The following KLHL1 variants were observed in gnomAD, a reference collection of about 807,000 sequenced individuals.
KLHL1 encodes the protein kelch-like protein 1.
In KLHL1, 47 loss-of-function variants were observed where a neutral mutation model predicts 77.7. The ratio of observed to expected loss-of-function variants is 0.60; its 90% CI spans 0.48 to 0.77. The LOEUF (loss-of-function observed/expected upper bound fraction) is 0.77, where lower values mean the gene tolerates loss of function less well. Ranked by LOEUF, KLHL1 falls within the 30% of genes least tolerant of loss-of-function variation. The pLI is 0.00. For synonymous variants in KLHL1, 360 were observed against 325.2 expected (o/e 1.11, Z -1.15); for missense variants, 925 against 910.8 (o/e 1.02, Z -0.20).
chr13:69,780,207 C>A (rs944637049), intron 7 of KLHL1, among the ~76,000 whole-genome samples: 1 of 152,158 alleles, frequency 6.6e-6, no homozygotes. Context: ...TACAAGCATG[C>A]ATTATTGAGA....
intron 5 of KLHL1, among the ~76,000 whole-genome samples, chr13:69,864,534 C>T (rs757715146): frequency 4.0e-5 from 6 of 151,888 alleles, no homozygotes; most frequent in Middle Eastern, 3.4e-3. Context: ...TTTCATGTTC[C>T]CTGTTTTTTC....
chr13:69,993,561 T>C (rs1885077647), intron 1 of KLHL1, among the ~76,000 whole-genome samples: 1 of 152,122 alleles, frequency 6.6e-6, no homozygotes, highest in African/African-American at 2.4e-5. Flanking sequence ...TTTCCCTTCA[T>C]ATATTCCTCC....
At position 69,889,191 on chromosome 13, in the gene KLHL1, T is replaced by G. The variant is rs184297399; in HGVS notation, c.1015-6696A>C. ...TTGCACTGACATATTGCTGTCAAGA[T>G]TCTAACTTTCTCAGGGTTTAAAACG... is the stretch of plus-strand genomic sequence containing the variant. On this transcript the variant is annotated intron_variant, in intron 4 of 10. Coordinates refer to ENST00000377844, the MANE Select transcript of KLHL1 (RefSeq NM_020866.3). Among the ~76,000 whole-genome samples the G allele has an allele frequency of 5.9e-5, 9 of 152,224 alleles. No homozygotes were observed. The East Asian group carries it at 1.7e-3, about 29-fold the overall frequency.
intron 1 of KLHL1, among the ~76,000 whole-genome samples, chr13:70,041,610 GCATCCACTGACA>G (rs759748634): frequency 1.3e-3 from 197 of 152,172 alleles, no homozygotes; most frequent in Non-Finnish European, 1.6e-3. Context: ...TTCCCATCTG[GCATCCACTGACA>G]CAGTGGAGGG....
chr13:69,772,158 G>A (rs1875602464), intron 7 of KLHL1, among the ~76,000 whole-genome samples: 1 of 151,858 alleles, frequency 6.6e-6, no homozygotes, highest in Non-Finnish European at 1.5e-5. Flanking sequence ...CACCATGTTG[G>A]CCAAGATGTT....
At chr13:69,973,535 G>C (rs186153983) in intron 2 of KLHL1, among the ~76,000 whole-genome samples, 174 of 151,458 alleles carry the variant, frequency 1.1e-3, no homozygotes, top group African/African-American at 4.1e-3. Flanking sequence ...CATACATTTT[G>C]CTTAAAGACA....
rs1324246935 is a variant in KLHL1, at chr13:70,084,461, C to CTTTT, written c.497+22741_497+22742insAAAA. ...GATATTTTCTAGTCTATTTCTTCTT[C>CTTTT]TTCTTTTTTTTTTTTTGAGACGGAG... On this transcript the variant is annotated intron_variant, in intron 1 of 10. Transcript: ENST00000377844. 3.0e-4 allele frequency among the ~76,000 whole-genome samples: 35 copies of CTTTT among 115,108 alleles called. 4 individuals carry two copies. The highest frequency in any genetic ancestry group is 5.5e-3 in the Middle Eastern group (1 of 182). The allele number at this position is 115,108 out of a possible 152,430, so 75.5% of individuals were successfully genotyped here. A position where few individuals can be genotyped will look rare whatever the true frequency, so the allele number is the denominator to read the frequency against.
chr13:69,883,206 T>C (rs752530965), intron 4 of KLHL1, among the ~76,000 whole-genome samples: 4 of 152,208 alleles, frequency 2.6e-5, no homozygotes, highest in Admixed American at 6.5e-5. Flanking sequence ...GGTTTTATTC[T>C]GAAGTTTTTG....
chr13:69,866,821 A>T (rs1880381176), intron 5 of KLHL1, among the ~76,000 whole-genome samples: 2 of 152,126 alleles, frequency 1.3e-5, no homozygotes, highest in African/African-American at 4.8e-5. Context: ...ACAAATTTAG[A>T]GGTAATAAGA....
intron 1 of KLHL1, among the ~76,000 whole-genome samples, chr13:70,058,965 A>T (rs1033303318): frequency 3.9e-5 from 6 of 152,186 alleles, no homozygotes; most frequent in Non-Finnish European, 8.8e-5. Context: ...TGGGGAGAAG[A>T]CAGTCTTTTC....
intron 7 of KLHL1, among the ~76,000 whole-genome samples, chr13:69,794,457 GC>G (rs1877013021): frequency 6.6e-6 from 1 of 151,550 alleles, no homozygotes; most frequent in Non-Finnish European, 1.5e-5. Context: ...AAGAAACAGA[GC>G]ATCTTAAAGG....
intron 1 of KLHL1, among the ~76,000 whole-genome samples, chr13:70,100,215 G>T (rs1887892455): frequency 6.6e-6 from 1 of 151,386 alleles, no homozygotes; most frequent in Non-Finnish European, 1.5e-5. Context: ...TTTCTTCTCA[G>T]CATGGTCTTT....
At chr13:69,874,749 A>G (rs184495203) in intron 5 of KLHL1, among the ~76,000 whole-genome samples, 1 of 152,124 alleles carries the variant, frequency 6.6e-6, no homozygotes, top group Non-Finnish European at 1.5e-5. Context: ...CTTAATTTGG[A>G]TAACCCTGAC....
chr13:69,975,911 A>G lies in KLHL1; in HGVS notation c.498-109T>C, dbSNP rs1276051594. The G allele has an allele frequency of 5.5e-6, 7 of 1,277,768 alleles. 1 individual carries two copies. The highest frequency in any genetic ancestry group is 3.0e-6 in the Non-Finnish European group (3 of 986,110). The allele number at this position is 1,277,768 out of a possible 1,614,324, so 79.2% of individuals were successfully genotyped here. ...TTTTATCATTTTCTTAAGAAAACTAATATATCTGTGTTTATTTTTATATTT... is the reference window on the plus strand; with the variant it reads ...TTTTATCATTTTCTTAAGAAAACTAGTATATCTGTGTTTATTTTTATATTT... On this transcript the variant is annotated intron_variant, in intron 1 of 10. Transcript: ENST00000377844.
chr13:69,712,002 T>C (rs1252581812), intron 9 of KLHL1, among the ~76,000 whole-genome samples: 4 of 152,178 alleles, frequency 2.6e-5, no homozygotes, highest in Non-Finnish European at 5.9e-5. Context: ...CCAGTAGTCA[T>C]TGCCTATTTG....
At chr13:70,039,637 CTTTT>C (rs773600359) in intron 1 of KLHL1, among the ~76,000 whole-genome samples, 1 of 125,510 alleles carries the variant, frequency 8.0e-6, no homozygotes. Context: ...ATTCCTTGAA[CTTTT>C]TTTTTTTTTT....
At chr13:69,780,203 C>T (rs1406937959) in intron 7 of KLHL1, among the ~76,000 whole-genome samples, 4 of 152,140 alleles carry the variant, frequency 2.6e-5, no homozygotes, top group Non-Finnish European at 4.4e-5. Context: ...TGGATACAAG[C>T]ATGCATTATT....
intron 1 of KLHL1, among the ~76,000 whole-genome samples, chr13:70,078,471 T>C (rs1350791222): frequency 6.6e-6 from 1 of 152,074 alleles, no homozygotes; most frequent in Non-Finnish European, 1.5e-5. Context: ...TAAATATTAA[T>C]AAAACACTCA....
intron 8 of KLHL1, among the ~76,000 whole-genome samples, chr13:69,732,885 C>T (rs1873610431): frequency 6.6e-6 from 1 of 152,064 alleles, no homozygotes; most frequent in Non-Finnish European, 1.5e-5. Flanking sequence ...TAAGCAGTGG[C>T]CCAAATAGCA....
Sources: allele counts gnomAD v4.1 joint callset (sites outside exome capture counted in the v4.1 genomes callset), GRCh38; gene constraint gnomAD v4.1.1; transcripts MANE v1.5; gene names NCBI Gene and HGNC (gene_info 2026-07-23, HGNC 2026-07-21).